Variants in SEZ6 observed in about 807,000 individuals in gnomAD.
SEZ6 encodes seizure protein 6 homolog.
Under a neutral mutation model 101.0 loss-of-function variants are expected in SEZ6, and 53 were observed. The observed-to-expected ratio is 0.52, with a 90% CI of 0.42 to 0.66. The LOEUF is 0.66. Among genes scored for constraint, SEZ6 ranks in the 30% least tolerant of loss-of-function variants. The probability of loss-of-function intolerance (pLI) is 0.00; values close to 1 mark genes in which losing one functional copy is unlikely to be tolerated. For synonymous variants in SEZ6, 488 were observed against 512.2 expected (o/e 0.95, Z 0.64); for missense variants, 1,102 against 1,289.4 (o/e 0.85, Z 2.23).
chr17:28,974,160 G>T (rs1021274667), intron 3 of SEZ6, among the ~76,000 whole-genome samples: 9 of 152,170 alleles, frequency 5.9e-5, no homozygotes, highest in Admixed American at 2.0e-4. Context: ...TACAGTTTTT[G>T]TACTCATTTG....
chr17:28,959,282 G>A lies in SEZ6; in HGVS notation c.1910+52C>T, dbSNP rs1051211827. On this transcript the variant is annotated intron_variant, in intron 9 of 16. Coordinates refer to ENST00000317338, the MANE Select transcript of SEZ6 (RefSeq NM_178860.5). The surrounding 1 kb of genome is among the most constrained non-coding windows in gnomAD (Gnocchi z 4.4). ...GGGGCCCGAGGATGGGCTGGACAAG[G>A]GATATCCCCAGACCTCAGGAGTTGG... The A allele has an allele frequency of 6.2e-7, 1 of 1,613,608 alleles. No homozygotes were observed. Among genetic ancestry groups the A allele is most frequent in the Admixed American group, 1.7e-5 (1 of 59,982 alleles).
chr17:28,993,007 ACTGGAGCTGGGGGC>A (rs1568001242), intron 1 of SEZ6, among the ~76,000 whole-genome samples: 1 of 151,954 alleles, frequency 6.6e-6, no homozygotes, highest in African/African-American at 2.4e-5. Context: ...GGCAGGTGGC[ACTGGAGCTGGGGGC>A]CTGGAGTGGG....
intron 4 of SEZ6, among the ~76,000 whole-genome samples, chr17:28,966,601 A>G (rs530085802): frequency 7.2e-5 from 11 of 152,224 alleles, no homozygotes; most frequent in African/African-American, 2.6e-4. Flanking sequence ...TGGTAGGAAA[A>G]GTGAGGACTG....
intron 3 of SEZ6, among the ~76,000 whole-genome samples, chr17:28,974,036 T>G (rs899280026): frequency 6.6e-6 from 1 of 152,172 alleles, no homozygotes. Flanking sequence ...ATTCAGGTTG[T>G]CTTCTGCCAA....
intron 14 of SEZ6, 124 bp from the exon 15 acceptor site, chr17:28,956,591 CT>C: frequency 6.7e-7 from 1 of 1,488,720 alleles, no homozygotes; most frequent in Non-Finnish European, 9.1e-7. Context: ...AGGGAAGGAG[CT>C]TTTTAACCTG....
chr17:28,992,029 C>T (rs1055183146), intron 1 of SEZ6, among the ~76,000 whole-genome samples: 1 of 152,184 alleles, frequency 6.6e-6, no homozygotes, highest in African/African-American at 2.4e-5. Flanking sequence ...CCAGCAGCAC[C>T]GAGGGCAGAG....
intron 1 of SEZ6, among the ~76,000 whole-genome samples, chr17:29,003,239 C>T (rs1299680274): frequency 2.0e-5 from 3 of 152,234 alleles, no homozygotes; most frequent in Non-Finnish European, 4.4e-5. Flanking sequence ...CTTTTTCCTC[C>T]ACTGTGGCTG....
Position 28,987,591 on chromosome 17 carries a change from T to C in SEZ6, c.56-5552A>G, listed in dbSNP as rs942598333. Among the ~76,000 whole-genome samples the C allele has an allele frequency of 6.6e-5, 10 of 152,164 alleles. No individual in the cohort carries two copies. In the South Asian group the frequency reaches 2.1e-3, roughly 32 times the overall value. ...GAAAGCAAGGCCCTGAGCAGGGATG[T>C]GGCTCCTCCAAGGTCACCCAGAAGC... On this transcript the variant is annotated intron_variant, in intron 1 of 16. Transcript: ENST00000317338.
At chr17:28,988,696 G>A (rs934802792) in intron 1 of SEZ6, among the ~76,000 whole-genome samples, 1 of 152,224 alleles carries the variant, frequency 6.6e-6, no homozygotes, top group Non-Finnish European at 1.5e-5. Flanking sequence ...CTGCAGTCCA[G>A]TCAAATTTGG....
At chr17:29,002,088 CTTTTTTT>C (rs78272133) in intron 1 of SEZ6, among the ~76,000 whole-genome samples, 1 of 137,892 alleles carries the variant, frequency 7.3e-6, no homozygotes, top group South Asian at 2.4e-4. Flanking sequence ...CCTCTTTCTT[CTTTTTTT>C]TTTTTTTTGG....
upstream of SEZ6, chr17:29,006,163 C>T (rs931899810): frequency 4.0e-6 from 1 of 251,002 alleles, no homozygotes; most frequent in Admixed American, 5.6e-5. Flanking sequence ...GGCTCCCGCT[C>T]CACCGCGACT....
At chr17:29,000,305 A>G (rs1273003805) in intron 1 of SEZ6, among the ~76,000 whole-genome samples, 1 of 152,238 alleles carries the variant, frequency 6.6e-6, no homozygotes, top group Non-Finnish European at 1.5e-5. Context: ...GAGTAGCCTT[A>G]CTACTTACTG....
At chr17:28,998,578 C>G (rs900632426) in intron 1 of SEZ6, among the ~76,000 whole-genome samples, 2 of 152,102 alleles carry the variant, frequency 1.3e-5, no homozygotes, top group African/African-American at 4.8e-5. Context: ...TTTAATGGAA[C>G]AGCATCAGGA....
intron 1 of SEZ6, among the ~76,000 whole-genome samples, chr17:28,988,087 C>G (rs2041407011): frequency 6.6e-6 from 1 of 152,208 alleles, no homozygotes; most frequent in Non-Finnish European, 1.5e-5. Flanking sequence ...GAGATACACT[C>G]AAAAGGAACT....
chr17:28,976,887 C>A (rs377754313), intron 3 of SEZ6, among the ~76,000 whole-genome samples: 216 of 152,322 alleles, frequency 1.4e-3, no homozygotes, highest in African/African-American at 5.1e-3. Context: ...GGAAGCCTTC[C>A]CTGACCCCCA....
At chr17:28,990,642 C>G (rs892024568) in intron 1 of SEZ6, among the ~76,000 whole-genome samples, 7 of 152,076 alleles carry the variant, frequency 4.6e-5, no homozygotes, top group Non-Finnish European at 8.8e-5. Context: ...GGCCCCCACC[C>G]AGAAGTGGAC....
Position 28,959,446 on chromosome 17 carries a change from A to T in SEZ6, c.1798T>A (p.Ser600Thr). The change falls in exon 9 of 17, where the codon TCG becomes ACG. Residue 600 changes from serine (S) to threonine (T), a missense_variant. Ser to Thr is a moderately conservative substitution (Grantham distance 58). This residue lies in a region of SEZ6 where 556 missense variants were observed against 735.1 expected (regional missense o/e 0.76). Transcript: ENST00000317338. The surrounding 1 kb of genome is among the most constrained non-coding windows in gnomAD (Gnocchi z 4.4). ...TTGGGAGAGAGTACCACGCCAGCCGAGTCTGTGATCTCCCCGCTGCACACG... is the reference window on the plus strand; with the variant it reads ...TTGGGAGAGAGTACCACGCCAGCCGTGTCTGTGATCTCCCCGCTGCACACG... ...RAVCSGEITD[S>T]AGVVLSPNWP... 1 of 1,613,632 alleles carries T rather than the reference A, an allele frequency of 6.2e-7. No homozygotes were observed. The highest frequency in any genetic ancestry group is 1.3e-5 in the African/African-American group (1 of 75,026).
At chr17:29,001,118 A>G (rs1046271819) in intron 1 of SEZ6, among the ~76,000 whole-genome samples, 3 of 152,240 alleles carry the variant, frequency 2.0e-5, no homozygotes, top group African/African-American at 7.2e-5. Flanking sequence ...TAATTGGCCA[A>G]CTGTTAGGAA....
At chr17:28,992,712 G>A (rs1465522929) in intron 1 of SEZ6, among the ~76,000 whole-genome samples, 1 of 152,172 alleles carries the variant, frequency 6.6e-6, no homozygotes, top group East Asian at 1.9e-4. Flanking sequence ...GCTGCGGCTG[G>A]GCCAGTCCTC....
Sources: allele counts gnomAD v4.1 joint callset (sites outside exome capture counted in the v4.1 genomes callset), GRCh38; gene constraint gnomAD v4.1.1; regional missense constraint gnomAD v4.1.1; non-coding constraint Gnocchi (gnomAD v3.1); transcripts MANE v1.5; gene names NCBI Gene and HGNC (gene_info 2026-07-23, HGNC 2026-07-21).